Variants in IL1RAPL1 observed in about 807,000 individuals in gnomAD.
IL1RAPL1 encodes interleukin 1 receptor accessory protein like 1.
A neutral mutation model predicts 48.4 loss-of-function variants in IL1RAPL1; 3 were observed. The observed-to-expected ratio is 0.06, with a 90% CI of 0.03 to 0.16. IL1RAPL1 has a LOEUF of 0.16. IL1RAPL1 is among the 10% of genes least tolerant of loss of function. The pLI, the probability that IL1RAPL1 is intolerant of heterozygous loss-of-function variation, is 1.00. For synonymous variants in IL1RAPL1, 185 were observed against 187.7 expected (o/e 0.99, Z 0.12); for missense variants, 349 against 530.6 (o/e 0.66, Z 3.36).
At chrX:29,580,595 T>C (rs1321748033) in intron 5 of IL1RAPL1, among the ~76,000 whole-genome samples, 1 of 111,927 alleles carries the variant, frequency 8.9e-6, no homozygotes, top group Non-Finnish European at 1.9e-5. Context: ...GTGGATCTTC[T>C]GGGGGTTGGC....
chrX:29,756,633 G>T (rs1350535881), intron 6 of IL1RAPL1, among the ~76,000 whole-genome samples: 1 of 110,919 alleles, frequency 9.0e-6, no homozygotes, highest in Non-Finnish European at 1.9e-5. Context: ...GGCTGGTCTC[G>T]AACTCCCGAC....
At chrX:28,978,582 A>G (rs1161658332) in intron 2 of IL1RAPL1, among the ~76,000 whole-genome samples, 1 of 111,997 alleles carries the variant, frequency 8.9e-6, no homozygotes, top group Admixed American at 9.5e-5. Flanking sequence ...AGATTCCCCA[A>G]TATTCAGGTA....
intron 2 of IL1RAPL1, among the ~76,000 whole-genome samples, chrX:29,112,193 T>TG (rs1234798313): frequency 7.2e-5 from 8 of 111,462 alleles, no homozygotes; most frequent in African/African-American, 2.6e-4. Context: ...CCCAAAGTGA[T>TG]GGGATTATAG....
intron 5 of IL1RAPL1, among the ~76,000 whole-genome samples, chrX:29,506,298 T>C (rs1935326298): frequency 8.9e-6 from 1 of 112,063 alleles, no homozygotes; most frequent in Non-Finnish European, 1.9e-5. Context: ...CTTGTGGATG[T>C]ATATCTATGT....
chrX:29,057,593 A>G (rs758759569), intron 2 of IL1RAPL1, among the ~76,000 whole-genome samples: 1 of 109,899 alleles, frequency 9.1e-6, no homozygotes, highest in Non-Finnish European at 1.9e-5. Flanking sequence ...ATGCCTGGCT[A>G]ATTTTTTGTA....
In IL1RAPL1 at chrX:29,049,323, C is replaced by T. The variant is rs188269448; in HGVS notation, c.83-233615C>T. The stretch of plus-strand genomic sequence containing the variant: ...GTCACATTTTGCCTTTTAAGGTTAT[C>T]CATCATCCAGTGTTTTAAAGCATTT... On this transcript the variant is annotated intron_variant, in intron 2 of 10. Transcript: ENST00000378993. Among the ~76,000 whole-genome samples, 17 of 112,501 alleles carry T rather than the reference C, an allele frequency of 1.5e-4. No individual in the cohort carries two copies. The East Asian group carries it at 4.8e-3, about 31-fold the overall frequency.
At chrX:29,448,184 A>G (rs138820693) in intron 5 of IL1RAPL1, among the ~76,000 whole-genome samples, 8 of 111,575 alleles carry the variant, frequency 7.2e-5, no homozygotes, top group African/African-American at 1.6e-4. Context: ...AGATTCTTAT[A>G]TTGTGTCAGG....
intron 2 of IL1RAPL1, among the ~76,000 whole-genome samples, chrX:29,014,980 A>G (rs1306660625): frequency 9.0e-6 from 1 of 111,284 alleles, no homozygotes; most frequent in Non-Finnish European, 1.9e-5. Flanking sequence ...CTTTCTCCCC[A>G]TGAGTTTTCT....
intron 5 of IL1RAPL1, among the ~76,000 whole-genome samples, chrX:29,437,101 ATTACTTCCTAC>A (rs1210149567): frequency 9.0e-6 from 1 of 111,401 alleles, no homozygotes; most frequent in East Asian, 2.8e-4. Flanking sequence ...TTTAATTTTT[ATTACTTCCTAC>A]ATAAACAGAG....
At chrX:29,089,957 A>G (rs1928053054) in intron 2 of IL1RAPL1, among the ~76,000 whole-genome samples, 2 of 104,836 alleles carry the variant, frequency 1.9e-5, no homozygotes, top group South Asian at 4.3e-4. Flanking sequence ...TTTCTTATTC[A>G]TTTCATCCCA....
chrX:29,299,726 A>C lies in IL1RAPL1; in HGVS notation c.362+16509A>C, dbSNP rs1932503573. Among the ~76,000 whole-genome samples the C allele has an allele frequency of 2.7e-5, 3 of 112,297 alleles. No individual in the cohort carries two copies. The Admixed American group carries it at 2.8e-4, about 11-fold the overall frequency. On this transcript the variant is annotated intron_variant, in intron 3 of 10. Transcript: ENST00000378993. ...AGGATCAGAAATCTGATGGATCAGC[A>C]TGCATACAGATGATTCTTATCCACA...
At chrX:29,622,826 C>A (rs1329485326) in intron 5 of IL1RAPL1, among the ~76,000 whole-genome samples, 3 of 111,357 alleles carry the variant, frequency 2.7e-5, no homozygotes, top group Non-Finnish European at 5.6e-5. Context: ...TTAAAAACAT[C>A]AATTTATTGT....
chrX:28,913,942 CT>C (rs1444753232), intron 2 of IL1RAPL1, among the ~76,000 whole-genome samples: 1 of 111,042 alleles, frequency 9.0e-6, no homozygotes, highest in East Asian at 2.8e-4. Flanking sequence ...CATTTGGAAT[CT>C]TGTTAATGTT....
Position 29,916,974 on chromosome X carries a change from A to G in IL1RAPL1, c.779-490A>G, listed in dbSNP as rs1345822500. Reference sequence around the variant, plus strand: ...TATGAATTAAAAATATTTTAATAGCATTCTCTTAGGATCTTGCGTTTATGG... The same window carrying G: ...TATGAATTAAAAATATTTTAATAGCGTTCTCTTAGGATCTTGCGTTTATGG... On this transcript the variant is annotated intron_variant, in intron 6 of 10. Coordinates refer to ENST00000378993, the MANE Select transcript of IL1RAPL1 (RefSeq NM_014271.4). Among the ~76,000 whole-genome samples, 3 of 112,459 alleles carry G rather than the reference A, an allele frequency of 2.7e-5. No homozygotes were observed. The Admixed American group carries it at 2.8e-4, about 11-fold the overall frequency.
chrX:29,797,151 C>T (rs1190188969), intron 6 of IL1RAPL1, among the ~76,000 whole-genome samples: 1 of 112,648 alleles, frequency 8.9e-6, no homozygotes. Context: ...TGGTTACTGT[C>T]CTTCTACTCT....
At chrX:29,867,303 G>T (rs1486931972) in intron 6 of IL1RAPL1, among the ~76,000 whole-genome samples, 1 of 111,954 alleles carries the variant, frequency 8.9e-6, no homozygotes, top group Non-Finnish European at 1.9e-5. Context: ...TGGTCTGAAA[G>T]TATCCCCTAG....
chrX:28,664,165 A>G (rs1934850431), intron 1 of IL1RAPL1, among the ~76,000 whole-genome samples: 1 of 112,467 alleles, frequency 8.9e-6, no homozygotes, highest in African/African-American at 3.2e-5. Flanking sequence ...ATGCATTCAA[A>G]TGTAACTAAC....
intron 5 of IL1RAPL1, among the ~76,000 whole-genome samples, chrX:29,562,115 AATCTATCT>A (rs560107095): frequency 0.21 from 11,991 of 58,441 alleles, 1,095 homozygotes; most frequent in East Asian, 0.27. Context: ...CTATCTATCT[AATCTATCT>A]ATCTATCTAT....
chrX:28,813,708 G>A (rs1936821421), intron 2 of IL1RAPL1, among the ~76,000 whole-genome samples: 1 of 110,774 alleles, frequency 9.0e-6, no homozygotes. Context: ...TTGATGTGCT[G>A]TTCTTAGGTG....
Sources: gnomAD v4.1 joint callset for allele counts (sites outside exome capture counted in the v4.1 genomes callset) on GRCh38, gnomAD v4.1.1 for gene constraint, MANE v1.5 for transcripts, NCBI Gene and HGNC (gene_info 2026-07-23, HGNC 2026-07-21) for gene names.